KCNH1: variants seen among roughly 807,000 people sequenced by gnomAD.
The protein encoded by KCNH1 is potassium voltage-gated channel subfamily H member 1, also known as voltage-gated delayed rectifier potassium channel KCNH1.
KCNH1 carries 27 observed loss-of-function variants against 69.2 expected under a neutral mutation model. The observed-to-expected ratio is 0.39, with a 90% CI of 0.29 to 0.54. The LOEUF is 0.54. Among genes scored for constraint, KCNH1 ranks in the 20% least tolerant of loss-of-function variants. KCNH1 has a pLI of 0.68. For missense variants in KCNH1, 798 were observed against 1,261.6 expected, an observed-to-expected ratio of 0.63 and a Z score of 5.57; for synonymous variants, 456 against 487.7, an observed-to-expected ratio of 0.93 and a Z score of 0.86.
At chr1:210,903,345 T>G in intron 7 of KCNH1, among the ~76,000 whole-genome samples, 1 of 152,208 alleles carries the variant, frequency 6.6e-6, no homozygotes, top group East Asian at 1.9e-4. Flanking sequence ...GCCCTAAATT[T>G]TTTTAAATGA....
At chr1:211,063,411 T>C (rs960810838) in intron 5 of KCNH1, 1 of 151,102 alleles carries the variant, frequency 6.6e-6, no homozygotes, top group Admixed American at 6.6e-5. Flanking sequence ...GAGATGGTAG[T>C]GGAGGGAGAG....
intron 10 of KCNH1, among the ~76,000 whole-genome samples, chr1:210,756,043 A>G (rs989555705): frequency 6.6e-6 from 1 of 152,088 alleles, no homozygotes; most frequent in Non-Finnish European, 1.5e-5. Flanking sequence ...TAGCTATGGA[A>G]CCCCTCATGG....
chr1:211,124,001 C>A (rs1188300478), intron 1 of KCNH1, among the ~76,000 whole-genome samples: 2 of 152,156 alleles, frequency 1.3e-5, no homozygotes, highest in African/African-American at 4.8e-5. Context: ...CAGGCTGGAG[C>A]ACTGTCCCGG....
chr1:210,681,554 A>G lies in KCNH1; in HGVS notation c.*1727T>C, dbSNP rs2148999403. 7.0e-6 allele frequency: 1 copy of G among 143,036 alleles called. No homozygotes were observed. Among genetic ancestry groups the G allele is most frequent in the South Asian group, 2.6e-4 (1 of 3,916 alleles). The allele number at this position is 143,036 out of a possible 1,614,324, so 8.9% of individuals were successfully genotyped here. A position where few individuals can be genotyped will look rare whatever the true frequency, so the allele number is the denominator to read the frequency against. ...AGGTCAGCCCTGCCTTGCACAGACAACCGAGGGCCCAGCCCTGGGACTCGC... is the reference window on the plus strand; with the variant it reads ...AGGTCAGCCCTGCCTTGCACAGACAGCCGAGGGCCCAGCCCTGGGACTCGC... On this transcript the variant is annotated 3_prime_UTR_variant, in exon 11 of 11. Coordinates refer to ENST00000271751, the MANE Select transcript of KCNH1 (RefSeq NM_172362.3).
intron 4 of KCNH1, among the ~76,000 whole-genome samples, chr1:211,084,741 C>T (rs1365429322): frequency 3.3e-5 from 5 of 152,152 alleles, no homozygotes; most frequent in Non-Finnish European, 7.3e-5. Context: ...CCCAAGTTCC[C>T]AAACCCATAT....
At chr1:210,700,820 C>T (rs1027935098) in intron 10 of KCNH1, among the ~76,000 whole-genome samples, 2 of 152,046 alleles carry the variant, frequency 1.3e-5, no homozygotes. Flanking sequence ...TTTCTTGGTC[C>T]GTGGCTTGTC....
At chr1:210,687,781 A>G (rs74630845) in intron 10 of KCNH1, among the ~76,000 whole-genome samples, 2,580 of 152,310 alleles carry the variant, frequency 0.017, 35 homozygotes, top group Middle Eastern at 0.031. Flanking sequence ...CTAAGTGGGC[A>G]GGAGTGGTTG....
chr1:210,955,207 G>A (rs1010384947), intron 6 of KCNH1, among the ~76,000 whole-genome samples: 1 of 152,146 alleles, frequency 6.6e-6, no homozygotes, highest in African/African-American at 2.4e-5. Context: ...AGATCAGATG[G>A]TTATAGATGT....
intron 7 of KCNH1, among the ~76,000 whole-genome samples, chr1:210,914,790 T>C (rs1281488122): frequency 1.5e-5 from 2 of 137,672 alleles, no homozygotes; most frequent in African/African-American, 2.5e-5. Context: ...GGACCTAAAG[T>C]GGGAGGAGGA....
chr1:210,928,857 T>C (rs1315882808), intron 6 of KCNH1, among the ~76,000 whole-genome samples: 1 of 152,038 alleles, frequency 6.6e-6, no homozygotes, highest in Non-Finnish European at 1.5e-5. Context: ...ATACTACAAC[T>C]AATGCCACAG....
chr1:210,745,287 T>C (rs537737401), intron 10 of KCNH1, among the ~76,000 whole-genome samples: 7 of 152,176 alleles, frequency 4.6e-5, no homozygotes, highest in African/African-American at 9.6e-5. Flanking sequence ...CTAACCTGGA[T>C]TGGGAGCATG....
At chr1:210,800,256 C>T (rs527523095) in intron 8 of KCNH1, among the ~76,000 whole-genome samples, 4 of 152,334 alleles carry the variant, frequency 2.6e-5, no homozygotes, top group African/African-American at 9.6e-5. Flanking sequence ...TTCCATAAGG[C>T]TCATTAAAAA....
rs754081315 is a variant in KCNH1, at chr1:210,803,957, T to A, written c.1662+10A>T. On this transcript the variant is annotated intron_variant, in intron 8 of 10. Transcript: ENST00000271751. ...ACAAATGGTTTCCCTGAGCTCCTCA[T>A]CCTCCTTACCTTCTCTGTGTCAATG... The A allele has an allele frequency of 1.2e-6, 2 of 1,612,252 alleles. No homozygotes were observed. Among genetic ancestry groups the A allele is most frequent in the Non-Finnish European group, 8.5e-7 (1 of 1,178,650 alleles).
intron 6 of KCNH1, among the ~76,000 whole-genome samples, chr1:210,961,388 T>C (rs1288956753): frequency 6.6e-6 from 1 of 152,202 alleles, no homozygotes; most frequent in East Asian, 1.9e-4. Context: ...AGATTACTAA[T>C]TTTTTCTTCT....
rs369836518 is a variant in KCNH1, at chr1:210,683,893, G to T, written c.2358C>A (p.Ser786Arg). The change falls in exon 11 of 11, where the codon AGC (serine) becomes AGA (arginine). Residue 786 changes from serine to arginine, a missense_variant. By Grantham distance (110) the Ser-to-Arg change is moderately radical (BLOSUM62 -1). Around this residue, in one of 4 missense-constraint regions of KCNH1, gnomAD observed 331 missense variants for 363.2 expected, o/e 0.91. Coordinates refer to ENST00000271751, the MANE Select transcript of KCNH1 (RefSeq NM_172362.3). The surrounding 1 kb of genome is among the most constrained non-coding windows in gnomAD (Gnocchi z 5.7). ...CAGGACTCTCACGCACGGTGACCAC[G>T]CTGGCCTTCACGAGGCTGTGGTTGG... ...ASANHSLVKA[S>R]VVTVRESPAT... The T allele has an allele frequency of 1.2e-6, 2 of 1,613,790 alleles. No homozygotes were observed. Among genetic ancestry groups the T allele is most frequent in the Non-Finnish European group, 1.7e-6 (2 of 1,179,720 alleles).
chr1:210,982,757 T>C (rs1688739175), intron 6 of KCNH1, among the ~76,000 whole-genome samples: 1 of 152,230 alleles, frequency 6.6e-6, no homozygotes, highest in Non-Finnish European at 1.5e-5. Flanking sequence ...TATAGCAGCA[T>C]GATTTATAAT....
intron 6 of KCNH1, among the ~76,000 whole-genome samples, chr1:210,964,442 A>T (rs1688358678): frequency 6.6e-6 from 1 of 151,982 alleles, no homozygotes; most frequent in South Asian, 2.1e-4. Context: ...TAACAATATT[A>T]AAAAACTACC....
chr1:211,111,040 A>T (rs949631018), intron 1 of KCNH1, among the ~76,000 whole-genome samples: 15 of 152,196 alleles, frequency 9.9e-5, no homozygotes, highest in Admixed American at 9.2e-4. Context: ...GTAAACATGA[A>T]CTTACTGACT....
intron 10 of KCNH1, among the ~76,000 whole-genome samples, chr1:210,735,167 G>A (rs1335892028): frequency 2.0e-5 from 3 of 152,086 alleles, no homozygotes; most frequent in Non-Finnish European, 4.4e-5. Context: ...CCCTCTAGTG[G>A]TGAAGCCCCC....
Sources: allele counts gnomAD v4.1 joint callset (sites outside exome capture counted in the v4.1 genomes callset), GRCh38; gene constraint gnomAD v4.1.1; regional missense constraint gnomAD v4.1.1; non-coding constraint Gnocchi (gnomAD v3.1); transcripts MANE v1.5; gene names NCBI Gene and HGNC (gene_info 2026-07-23, HGNC 2026-07-21).